Variants in PTPRD observed in about 807,000 individuals in gnomAD.
PTPRD encodes receptor-type tyrosine-protein phosphatase delta.
A neutral mutation model predicts 214.5 loss-of-function variants in PTPRD; 34 were observed. That is an observed-to-expected ratio of 0.16 (90% confidence interval 0.12 to 0.21). PTPRD has a LOEUF of 0.21. Ranked by LOEUF, PTPRD falls within the 10% of genes least tolerant of loss-of-function variation. The pLI is 1.00. For synonymous variants in PTPRD, 1,128 were observed against 845.7 expected, an observed-to-expected ratio of 1.33 and a Z score of -5.79; for missense variants, 2,545 against 2,398.7, an observed-to-expected ratio of 1.06 and a Z score of -1.27.
intron 35 of PTPRD, among the ~76,000 whole-genome samples, chr9:8,416,738 C>T (rs990732121): frequency 6.6e-6 from 1 of 152,100 alleles, no homozygotes; most frequent in Non-Finnish European, 1.5e-5. Flanking sequence ...GGTTAAATTA[C>T]TTCTGATTTT....
intron 12 of PTPRD, among the ~76,000 whole-genome samples, chr9:8,706,596 G>C (rs1401445744): frequency 6.6e-6 from 1 of 151,996 alleles, no homozygotes; most frequent in Non-Finnish European, 1.5e-5. Context: ...CTCTGAACTT[G>C]AGCTTAAGAA....
chr9:10,111,606 C>CAG (rs1304164488), intron 3 of PTPRD, among the ~76,000 whole-genome samples: 2 of 152,096 alleles, frequency 1.3e-5, no homozygotes, highest in African/African-American at 4.8e-5. Flanking sequence ...TTCAGTGACT[C>CAG]CTCTAAGTTT....
intron 4 of PTPRD, among the ~76,000 whole-genome samples, chr9:9,991,658 G>A (rs937384148): frequency 6.6e-6 from 1 of 152,092 alleles, no homozygotes; most frequent in African/African-American, 2.4e-5. Flanking sequence ...ACTGTGCCCG[G>A]CCCAGCCCAA....
intron 4 of PTPRD, among the ~76,000 whole-genome samples, chr9:10,019,882 A>G (rs2096810713): frequency 6.6e-6 from 1 of 152,198 alleles, no homozygotes; most frequent in Non-Finnish European, 1.5e-5. Context: ...TACATATGTA[A>G]CTAACATGCA....
intron 9 of PTPRD, among the ~76,000 whole-genome samples, chr9:9,321,205 T>C (rs1305358282): frequency 6.6e-6 from 1 of 152,188 alleles, no homozygotes; most frequent in East Asian, 1.9e-4. Flanking sequence ...GTGGTACATA[T>C]ACTATTTGGG....
At chr9:10,124,691 T>C (rs1204593652) in intron 3 of PTPRD, among the ~76,000 whole-genome samples, 2 of 151,622 alleles carry the variant, frequency 1.3e-5, no homozygotes, top group South Asian at 4.2e-4. Context: ...GTTAGGATTA[T>C]TATTGTTTAA....
chr9:8,873,748 C>T (rs1026262371), intron 11 of PTPRD, among the ~76,000 whole-genome samples: 3 of 151,960 alleles, frequency 2.0e-5, no homozygotes, highest in South Asian at 2.1e-4. Context: ...GACTAGGTCT[C>T]GTTGGTGTCA....
intron 2 of PTPRD, among the ~76,000 whole-genome samples, chr9:10,590,191 G>A (rs573406238): frequency 6.6e-6 from 1 of 151,948 alleles, no homozygotes; most frequent in Non-Finnish European, 1.5e-5. Context: ...ATACAAATTA[G>A]GGTATTCAGG....
chr9:10,479,466 C>A (rs976830), intron 2 of PTPRD, among the ~76,000 whole-genome samples: 3 of 152,012 alleles, frequency 2.0e-5, no homozygotes, highest in East Asian at 1.9e-4. Context: ...TACTCTAACC[C>A]GGCACGACTT....
chr9:10,409,192 C>A (rs1453309946), intron 2 of PTPRD, among the ~76,000 whole-genome samples: 1 of 151,728 alleles, frequency 6.6e-6, no homozygotes, highest in Non-Finnish European at 1.5e-5. Context: ...AGTGTGCCAA[C>A]TTCTGTTATG....
At position 9,987,513 on chromosome 9, in the gene PTPRD, G is replaced by A. The variant is rs970916907; in HGVS notation, c.-472+46205C>T. ...TGTTTCTAAAACCATCCAATCTCAT[G>A]AGACCAATTCACTATCACGAGAACA... On this transcript the variant is annotated intron_variant, in intron 4 of 45. Coordinates refer to ENST00000381196, the MANE Select transcript of PTPRD (RefSeq NM_002839.4). 2.6e-5 allele frequency among the ~76,000 whole-genome samples: 4 copies of A among 152,098 alleles called. No individual in the cohort carries two copies. In the East Asian group the frequency reaches 5.8e-4, roughly 22 times the overall value.
chr9:10,420,331 T>C (rs907642074), intron 2 of PTPRD, among the ~76,000 whole-genome samples: 3 of 152,028 alleles, frequency 2.0e-5, no homozygotes, highest in East Asian at 2.0e-4. Context: ...TACTAGTCTT[T>C]AGGATTTCTC....
intron 11 of PTPRD, among the ~76,000 whole-genome samples, chr9:8,870,378 G>C (rs1307972851): frequency 1.3e-5 from 2 of 151,966 alleles, no homozygotes; most frequent in Non-Finnish European, 2.9e-5. Context: ...GGAGAGAAGA[G>C]TATTTTGATT....
chr9:9,491,844 A>G (rs1443995253), intron 8 of PTPRD, among the ~76,000 whole-genome samples: 1 of 152,090 alleles, frequency 6.6e-6, no homozygotes, highest in Non-Finnish European at 1.5e-5. Flanking sequence ...CTAATTAGAA[A>G]AAGAAGAACA....
chr9:9,436,167 T>C (rs1430796512), intron 8 of PTPRD, among the ~76,000 whole-genome samples: 2 of 152,212 alleles, frequency 1.3e-5, no homozygotes, highest in Non-Finnish European at 2.9e-5. Context: ...CCTTCTTCTA[T>C]TCTTTGGGTG....
At chr9:9,231,957 A>G (rs568025463) in intron 9 of PTPRD, among the ~76,000 whole-genome samples, 31 of 152,236 alleles carry the variant, frequency 2.0e-4, no homozygotes, top group South Asian at 1.5e-3. Flanking sequence ...AACTGGTGGC[A>G]TAGAATACAA....
intron 4 of PTPRD, among the ~76,000 whole-genome samples, chr9:9,999,507 G>C (rs1193661527): frequency 6.6e-6 from 1 of 152,138 alleles, no homozygotes; most frequent in East Asian, 1.9e-4. Context: ...TTATACATGG[G>C]ATTGCATTTG....
At chr9:9,033,845 C>T (rs2099613374) in intron 10 of PTPRD, among the ~76,000 whole-genome samples, 1 of 152,054 alleles carries the variant, frequency 6.6e-6, no homozygotes, top group South Asian at 2.1e-4. Context: ...TCAATTGTAC[C>T]TGATTTTCTA....
intron 39 of PTPRD, among the ~76,000 whole-genome samples, chr9:8,368,784 T>C (rs2080688081): frequency 6.6e-6 from 1 of 151,490 alleles, no homozygotes; most frequent in Non-Finnish European, 1.5e-5. Context: ...CCCAGCCTCC[T>C]GTTTTTAACA....
Sources: gnomAD v4.1 joint callset for allele counts (sites outside exome capture counted in the v4.1 genomes callset) on GRCh38, gnomAD v4.1.1 for gene constraint, MANE v1.5 for transcripts, NCBI Gene and HGNC (gene_info 2026-07-23, HGNC 2026-07-21) for gene names.